RORB: variants seen among roughly 807,000 people sequenced by gnomAD.
The protein encoded by RORB is nuclear receptor ROR-beta.
A neutral mutation model predicts 59.1 loss-of-function variants in RORB; 6 were observed. The ratio of observed to expected loss-of-function variants is 0.10; its 90% confidence interval spans 0.06 to 0.20. RORB has a LOEUF of 0.20. RORB is among the 10% of genes least tolerant of loss of function. RORB has a pLI of 1.00. For missense variants in RORB, 320 were observed against 560.5 expected, an observed-to-expected ratio of 0.57 and a Z score of 4.33; for synonymous variants, 215 against 204.5, an observed-to-expected ratio of 1.05 and a Z score of -0.44.
chr9:74,547,593 G>A (rs1826520807), intron 1 of RORB, among the ~76,000 whole-genome samples: 1 of 152,138 alleles, frequency 6.6e-6, no homozygotes, highest in Admixed American at 6.6e-5. Flanking sequence ...AGTTGGTAAG[G>A]GAGTAAGGGA....
chr9:74,607,609 TAC>T (rs954397676), intron 1 of RORB, among the ~76,000 whole-genome samples: 8 of 151,578 alleles, frequency 5.3e-5, no homozygotes, highest in Admixed American at 4.6e-4. Context: ...TTTATATATA[TAC>T]ACACACACAT....
intron 3 of RORB, among the ~76,000 whole-genome samples, chr9:74,639,160 G>A (rs573297959): frequency 6.6e-6 from 1 of 152,308 alleles, no homozygotes. Context: ...CCTTGCCTGG[G>A]ATGACCAAGG....
At chr9:74,517,704 G>GA (rs1487707832) in intron 1 of RORB, among the ~76,000 whole-genome samples, 8 of 151,826 alleles carry the variant, frequency 5.3e-5, no homozygotes, top group Non-Finnish European at 8.8e-5. Flanking sequence ...TCTAGAAATA[G>GA]AAAAAATTAT....
intron 4 of RORB, among the ~76,000 whole-genome samples, chr9:74,647,787 C>A (rs1823924439): frequency 6.6e-6 from 1 of 152,142 alleles, no homozygotes; most frequent in Non-Finnish European, 1.5e-5. Flanking sequence ...ATTAAGGCTA[C>A]ATAAAAATAC....
intron 9 of RORB, among the ~76,000 whole-genome samples, chr9:74,683,121 TGACAATAATTATAGA>T (rs1447267873): frequency 6.6e-6 from 1 of 152,220 alleles, no homozygotes; most frequent in Non-Finnish European, 1.5e-5. Flanking sequence ...TTGACAAGAT[TGACAATAATTATAGA>T]GTTGCATCTG....
intron 1 of RORB, among the ~76,000 whole-genome samples, chr9:74,537,393 G>A (rs1826336285): frequency 6.6e-6 from 1 of 151,348 alleles, no homozygotes; most frequent in African/African-American, 2.4e-5. Context: ...ACTCACTTTT[G>A]TTTATTCAAA....
intron 1 of RORB, among the ~76,000 whole-genome samples, chr9:74,534,865 A>C (rs1826298113): frequency 2.0e-5 from 3 of 152,062 alleles, no homozygotes; most frequent in African/African-American, 7.2e-5. Context: ...CAACCACAAA[A>C]TCAGACTCAC....
At chr9:74,526,230 A>T (rs1167272946) in intron 1 of RORB, among the ~76,000 whole-genome samples, 1 of 151,752 alleles carries the variant, frequency 6.6e-6, no homozygotes, top group African/African-American at 2.4e-5. Context: ...TTTCACAAAA[A>T]CCCCCAAAAT....
chr9:74,541,043 G>A (rs1055309029), intron 1 of RORB, among the ~76,000 whole-genome samples: 4 of 151,896 alleles, frequency 2.6e-5, no homozygotes, highest in Admixed American at 2.0e-4. Context: ...CACTTTAGGA[G>A]GCCAAGGCGG....
chr9:74,619,972 T>G (rs893660611), intron 1 of RORB, among the ~76,000 whole-genome samples: 8 of 152,216 alleles, frequency 5.3e-5, no homozygotes, highest in African/African-American at 1.9e-4. Context: ...TTTGCATCGA[T>G]GTTCGTCAGG....
chr9:74,644,381 C>A (rs189905866), intron 4 of RORB, among the ~76,000 whole-genome samples: 1 of 152,280 alleles, frequency 6.6e-6, no homozygotes, highest in East Asian at 1.9e-4. Context: ...ATCATGGGCC[C>A]TTCACACGTT....
In RORB at chr9:74,626,825, T is replaced by A. The variant is rs548341255; in HGVS notation, c.8-3457T>A. ...TTGGAGAAATAATGGGATTTGTTGT[T>A]CTAATCAGTTTGTGAAATGCTGTCT... On this transcript the variant is annotated intron_variant, in intron 1 of 9. Transcript: ENST00000376896. Among the ~76,000 whole-genome samples, 3 of 152,334 alleles carry A rather than the reference T, an allele frequency of 2.0e-5. No homozygotes were observed. In the East Asian group the frequency reaches 5.8e-4, roughly 29 times the overall value.
intron 4 of RORB, among the ~76,000 whole-genome samples, chr9:74,643,793 C>G (rs1049399539): frequency 2.0e-5 from 3 of 152,114 alleles, no homozygotes; most frequent in Non-Finnish European, 4.4e-5. Context: ...AGGGCTCTGC[C>G]CAAAGAGGTG....
intron 1 of RORB, among the ~76,000 whole-genome samples, chr9:74,607,574 CAT>C (rs1374589373): frequency 1.3e-5 from 2 of 149,844 alleles, no homozygotes; most frequent in African/African-American, 2.4e-5. Flanking sequence ...CATATAGACA[CAT>C]GTTTATACTA....
intron 1 of RORB, among the ~76,000 whole-genome samples, chr9:74,505,360 C>T (rs143092570): frequency 9.9e-4 from 150 of 152,084 alleles, no homozygotes; most frequent in African/African-American, 3.4e-3. Flanking sequence ...ATACCATCTT[C>T]CCCAAAATAT....
At chr9:74,539,438 A>C (rs1192531897) in intron 1 of RORB, among the ~76,000 whole-genome samples, 2 of 152,312 alleles carry the variant, frequency 1.3e-5, no homozygotes, top group African/African-American at 2.4e-5. Context: ...CAAATAAAAG[A>C]AACAAAATGT....
intron 9 of RORB, among the ~76,000 whole-genome samples, chr9:74,673,535 T>C (rs2118551490): frequency 6.6e-6 from 1 of 152,254 alleles, no homozygotes; most frequent in East Asian, 1.9e-4. Context: ...TGATTATTAC[T>C]CCCCTAGGAG....
intron 1 of RORB, chr9:74,498,277 C>T (rs939642692): frequency 6.6e-6 from 3 of 455,380 alleles, no homozygotes; most frequent in Non-Finnish European, 1.2e-5. Flanking sequence ...TTTTGCTTGT[C>T]GCTCTCGGGT....
chr9:74,595,970 C>T (rs1331969485), intron 1 of RORB, among the ~76,000 whole-genome samples: 1 of 152,172 alleles, frequency 6.6e-6, no homozygotes, highest in African/African-American at 2.4e-5. Context: ...GAGCCCACTT[C>T]AATCTCATGA....
Sources: allele counts gnomAD v4.1 joint callset (sites outside exome capture counted in the v4.1 genomes callset), GRCh38; gene constraint gnomAD v4.1.1; transcripts MANE v1.5; gene names NCBI Gene and HGNC (gene_info 2026-07-23, HGNC 2026-07-21).